VPS13B: variants seen among roughly 807,000 people sequenced by gnomAD.
VPS13B encodes intermembrane lipid transfer protein VPS13B.
A neutral mutation model predicts 426.4 loss-of-function variants in VPS13B; 285 were observed. That is an observed-to-expected ratio of 0.67 (90% CI 0.61 to 0.74). The LOEUF is 0.74. VPS13B is among the 30% of genes least tolerant of loss of function. The pLI is 0.00. For missense variants in VPS13B, 4,537 were observed against 4,782.6 expected (o/e 0.95, Z 1.51); for synonymous variants, 1,676 against 1,676.4 (o/e 1.00, Z 0.01).
At chr8:99,068,964 C>T (rs930144880) in intron 3 of VPS13B, among the ~76,000 whole-genome samples, 11 of 151,906 alleles carry the variant, frequency 7.2e-5, no homozygotes, top group Non-Finnish European at 1.5e-4. Flanking sequence ...AGAAAGTTTG[C>T]CTACTCTTAT....
chr8:99,079,764 A>G (rs1281514336), intron 3 of VPS13B, among the ~76,000 whole-genome samples: 8 of 152,002 alleles, frequency 5.3e-5, no homozygotes, highest in Admixed American at 4.6e-4. Context: ...TGGTTTTGAA[A>G]TGTTAGCTCA....
intron 19 of VPS13B, among the ~76,000 whole-genome samples, chr8:99,276,770 C>T (rs1345929876): frequency 6.6e-6 from 1 of 151,998 alleles, no homozygotes; most frequent in African/African-American, 2.4e-5. Context: ...TATAGAATTA[C>T]CCATATAGTA....
At chr8:99,436,276 T>C (rs1421160373) in intron 22 of VPS13B, among the ~76,000 whole-genome samples, 9 of 152,170 alleles carry the variant, frequency 5.9e-5, no homozygotes. Context: ...TATTGTATGA[T>C]TCTTTTGCTT....
chr8:99,446,014 A>C (rs1817901621), intron 23 of VPS13B, among the ~76,000 whole-genome samples: 1 of 152,188 alleles, frequency 6.6e-6, no homozygotes. Context: ...CATTGGTATG[A>C]CTGTGTTCCA....
chr8:99,233,901 C>T (rs984067343), intron 17 of VPS13B: 12 of 788,490 alleles, frequency 1.5e-5, no homozygotes, highest in South Asian at 1.5e-4. Context: ...GAAGTCCCCT[C>T]TGGGGTGGCA....
At chr8:99,351,672 T>C (rs1294229695) in intron 19 of VPS13B, among the ~76,000 whole-genome samples, 4 of 152,038 alleles carry the variant, frequency 2.6e-5, no homozygotes, top group African/African-American at 9.7e-5. Context: ...TTTTATTATA[T>C]AATAAATTAC....
intron 19 of VPS13B, among the ~76,000 whole-genome samples, chr8:99,355,549 C>T (rs969764753): frequency 1.3e-5 from 2 of 152,152 alleles, no homozygotes; most frequent in Non-Finnish European, 2.9e-5. Context: ...CTAGATAGCG[C>T]CACTGCACTC....
At chr8:99,163,309 C>T (rs1250434617) in intron 15 of VPS13B, among the ~76,000 whole-genome samples, 1 of 152,240 alleles carries the variant, frequency 6.6e-6, no homozygotes, top group African/African-American at 2.4e-5. Flanking sequence ...CACATCCCCA[C>T]CAGACTCAGG....
chr8:99,694,899 A>G (rs1336362260), intron 35 of VPS13B, among the ~76,000 whole-genome samples: 1 of 152,146 alleles, frequency 6.6e-6, no homozygotes, highest in Non-Finnish European at 1.5e-5. Context: ...ACATGAACAG[A>G]CACTTCTCAA....
intron 17 of VPS13B, among the ~76,000 whole-genome samples, chr8:99,243,147 G>T (rs1370573383): frequency 6.6e-6 from 1 of 152,060 alleles, no homozygotes; most frequent in African/African-American, 2.4e-5. Flanking sequence ...TTGACCTGAG[G>T]GATAAGATGT....
intron 35 of VPS13B, among the ~76,000 whole-genome samples, chr8:99,663,973 C>T (rs1830346013): frequency 6.6e-6 from 1 of 150,708 alleles, no homozygotes; most frequent in Non-Finnish European, 1.5e-5. Context: ...ATTTACAATT[C>T]TGGCATTTAA....
intron 18 of VPS13B, 105 bp from the exon 19 acceptor site, chr8:99,274,975 AT>A: frequency 9.9e-7 from 1 of 1,010,130 alleles, no homozygotes; most frequent in South Asian, 2.0e-5. Context: ...ATATTATCAA[AT>A]AAAGTTGAAA....
chr8:99,286,282 C>T (rs1421206213), intron 19 of VPS13B, among the ~76,000 whole-genome samples: 2 of 152,078 alleles, frequency 1.3e-5, no homozygotes, highest in African/African-American at 2.4e-5. Context: ...CTGAATTGCT[C>T]TATGGGGAAA....
At chr8:99,837,306 T>C (rs1445909883) in intron 54 of VPS13B, among the ~76,000 whole-genome samples, 1 of 152,052 alleles carries the variant, frequency 6.6e-6, no homozygotes, top group Non-Finnish European at 1.5e-5. Flanking sequence ...GTGCTTTCTA[T>C]CAGCTGTGTT....
In VPS13B at chr8:99,014,692, CAAAAAAAAA is replaced by C. The variant is rs574786628; in HGVS notation, c.147+767_147+775del. ...CTTGTGGGGGTCGAGGAAAAAAAGA[CAAAAAAAAA>C]AAAAAAAAAGAGCAGATTCAGATCA... On this transcript the variant is annotated intron_variant, in intron 2 of 61. Coordinates refer to ENST00000357162, the MANE Select transcript of VPS13B (RefSeq NM_152564.5). Among the ~76,000 whole-genome samples, 54 of 61,220 alleles carry C rather than the reference CAAAAAAAAA, an allele frequency of 8.8e-4. No homozygotes were observed. In the East Asian group the frequency reaches 0.028, roughly 32 times the overall value. The allele number at this position is 61,220 out of a possible 152,430, so 40.2% of individuals were successfully genotyped here.
chr8:99,549,909 G>A (rs775039176), intron 30 of VPS13B, among the ~76,000 whole-genome samples: 4 of 152,060 alleles, frequency 2.6e-5, no homozygotes, highest in Non-Finnish European at 5.9e-5. Context: ...TTGTTTCTAT[G>A]TTGCCTTCCT....
chr8:99,374,684 T>C (rs763201134), intron 19 of VPS13B, among the ~76,000 whole-genome samples: 4 of 152,224 alleles, frequency 2.6e-5, no homozygotes, highest in Admixed American at 6.5e-5. Context: ...TGTCATGATA[T>C]TAGTATAGTT....
intron 6 of VPS13B, among the ~76,000 whole-genome samples, chr8:99,113,219 C>T (rs922916043): frequency 1.3e-5 from 2 of 152,000 alleles, no homozygotes; most frequent in Non-Finnish European, 2.9e-5. Flanking sequence ...CTGTCTCAGG[C>T]TCTTAAGTAG....
Position 99,437,729 on chromosome 8 carries a change from T to C in VPS13B, c.3211-4672T>C, listed in dbSNP as rs562009727. Among the ~76,000 whole-genome samples, 229 of 152,006 alleles carry C rather than the reference T, an allele frequency of 1.5e-3. 1 individual carries two copies. Among genetic ancestry groups the C allele is most frequent in the Non-Finnish European group, 2.8e-3 (191 of 67,938 alleles). On this transcript the variant is annotated intron_variant, in intron 22 of 61. Transcript: ENST00000357162. ...CAAAACTCTGTCTCAAAAATAAAAA[T>C]TAAAAGAATAAAAATATATAAACTT...
Sources: allele counts gnomAD v4.1 joint callset (sites outside exome capture counted in the v4.1 genomes callset), GRCh38; gene constraint gnomAD v4.1.1; transcripts MANE v1.5; gene names NCBI Gene and HGNC (gene_info 2026-07-23, HGNC 2026-07-21).